Variants in UTP18 observed in about 807,000 individuals in gnomAD.
UTP18 encodes the protein UTP18 small subunit processome component, also known as U3 small nucleolar RNA-associated protein 18 homolog.
UTP18 carries 36 observed loss-of-function variants against 61.1 expected under a neutral mutation model. That is an observed-to-expected ratio of 0.59 (90% CI 0.45 to 0.78). The LOEUF is 0.78. Ranked by LOEUF, UTP18 falls within the 30% of genes least tolerant of loss-of-function variation. The pLI is 0.00. For synonymous variants in UTP18, 282 were observed against 251.1 expected (o/e 1.12, Z -1.16); for missense variants, 753 against 693.9 (o/e 1.09, Z -0.96).
intron 6 of UTP18, 114 bp from the exon 7 acceptor site, chr17:51,277,016 C>A: frequency 8.8e-7 from 1 of 1,139,494 alleles, no homozygotes; most frequent in Non-Finnish European, 1.2e-6. Context: ...TTAAGTCAGC[C>A]TTCAGCCCCT....
chr17:51,280,323 A>G (rs1175409842), intron 8 of UTP18, 66 bp from the exon 9 acceptor site: 3 of 1,549,180 alleles, frequency 1.9e-6, no homozygotes, highest in Middle Eastern at 1.8e-4. Context: ...GGTTGTTTTT[A>G]CTCTACATTG....
intron 12 of UTP18, among the ~76,000 whole-genome samples, chr17:51,295,945 A>G (rs1475380837): frequency 1.3e-5 from 2 of 152,206 alleles, no homozygotes; most frequent in Non-Finnish European, 2.9e-5. Context: ...TTATGTTTAG[A>G]TTAGCTTTTG....
At chr17:51,262,957 A>T (rs998310125) in intron 1 of UTP18, among the ~76,000 whole-genome samples, 1 of 152,188 alleles carries the variant, frequency 6.6e-6, no homozygotes, top group Admixed American at 6.5e-5. Flanking sequence ...TGTAGTTCTG[A>T]CATTTCTCCT....
At chr17:51,288,957 G>C (rs1441762821) in intron 11 of UTP18, among the ~76,000 whole-genome samples, 1 of 152,216 alleles carries the variant, frequency 6.6e-6, no homozygotes, top group Admixed American at 6.5e-5. Context: ...ACTCATTGCA[G>C]AAGGTTTTTA....
Position 51,285,378 on chromosome 17 carries a change from G to A in UTP18, c.1328+10G>A. ...AGTATGTTGCTTGTGGGTAAGTAAA[G>A]AGAGGTTCTTGTAACCTTAATCACA... On this transcript the variant is annotated intron_variant, in intron 10 of 13. Transcript: ENST00000225298. 2 of 1,611,060 alleles carry A rather than the reference G, an allele frequency of 1.2e-6. No homozygotes were observed. The highest frequency in any genetic ancestry group is 1.7e-6 in the Non-Finnish European group (2 of 1,177,722).
chr17:51,265,373 C>T (rs1294746408), intron 2 of UTP18, among the ~76,000 whole-genome samples: 1 of 151,484 alleles, frequency 6.6e-6, no homozygotes, highest in Non-Finnish European at 1.5e-5. Flanking sequence ...AAGTGATTCA[C>T]CTGCCTCAGC....
At chr17:51,295,289 A>T (rs1905338166) in intron 12 of UTP18, among the ~76,000 whole-genome samples, 1 of 152,030 alleles carries the variant, frequency 6.6e-6, no homozygotes, top group South Asian at 2.1e-4. Flanking sequence ...CTATGTCCTG[A>T]ATGGTATTGC....
chr17:51,268,369 A>G (rs1450856518), intron 3 of UTP18, among the ~76,000 whole-genome samples: 1 of 152,210 alleles, frequency 6.6e-6, no homozygotes, highest in Non-Finnish European at 1.5e-5. Flanking sequence ...CTTCTGTTAA[A>G]GCTTACTTTT....
intron 4 of UTP18, among the ~76,000 whole-genome samples, 190 bp downstream of exon 4, chr17:51,269,094 C>T (rs1001428189): frequency 6.6e-6 from 1 of 151,814 alleles, no homozygotes; most frequent in Non-Finnish European, 1.5e-5. Context: ...TAAGACCAGA[C>T]CGGGTGACAT....
At chr17:51,261,838 A>G (rs772196868) in intron 1 of UTP18, among the ~76,000 whole-genome samples, 8 of 152,066 alleles carry the variant, frequency 5.3e-5, no homozygotes, top group Non-Finnish European at 1.2e-4. Flanking sequence ...GCTGCTTACC[A>G]GAGCCGCCTT....
At chr17:51,277,725 A>G (rs1904779147) in intron 7 of UTP18, among the ~76,000 whole-genome samples, 1 of 152,224 alleles carries the variant, frequency 6.6e-6, no homozygotes, top group African/African-American at 2.4e-5. Flanking sequence ...TTTGATTTAT[A>G]TTTAAAGGGA....
At chr17:51,288,583 G>T (rs1336339981) in intron 11 of UTP18, 1 of 457,074 alleles carries the variant, frequency 2.2e-6, no homozygotes, top group Non-Finnish European at 4.4e-6. Flanking sequence ...CAATTCTCGG[G>T]TTTTGAAAGT....
chr17:51,288,096 A>G lies in UTP18; in HGVS notation c.1396A>G (p.Ile466Val), dbSNP rs1040095011. ...SCLQETNPKPIKAIMNLVTGV... is the reference protein window; with the variant it reads ...SCLQETNPKPVKAIMNLVTGV... Reference sequence around the variant, plus strand: ...TCTCCAAGAAACAAACCCAAAGCCAATAAAAGCTATAATGAACTTGGTTAC... The same window carrying G: ...TCTCCAAGAAACAAACCCAAAGCCAGTAAAAGCTATAATGAACTTGGTTAC... Residue 466 changes from isoleucine to valine, a missense_variant, in exon 11 of 14, where the codon ATA becomes GTA. Physicochemically the swap from Ile to Val is conservative, Grantham distance 29. Transcript: ENST00000225298. The G allele has an allele frequency of 1.9e-6, 3 of 1,610,806 alleles. No individual in the cohort carries two copies. The highest frequency in any genetic ancestry group is 2.2e-5 in the East Asian group (1 of 44,712).
rs780079011 is a variant in UTP18 at position 51,263,328 on chromosome 17, A to C, written c.397A>C (p.Asn133His). The C allele has an allele frequency of 6.2e-7, 1 of 1,614,230 alleles. No individual in the cohort carries two copies. The highest frequency in any genetic ancestry group is 2.2e-5 in the East Asian group (1 of 44,890). The change falls in exon 2 of 14, where the codon AAT (asparagine) becomes CAT (histidine). Residue 133 changes from asparagine to histidine, a missense_variant. Asn to His is a moderately conservative substitution (Grantham distance 68). Coordinates refer to ENST00000225298, the MANE Select transcript of UTP18 (RefSeq NM_016001.3). ...DSEVENEAKG[N>H]FPPQKKPVWV... ...AGAAGTGGAGAATGAAGCAAAAGGT[A>C]ATTTTCCACCTCAAAAGAAGCCAGT...
At chr17:51,278,380 ATATT>A (rs1284670815) in intron 7 of UTP18, among the ~76,000 whole-genome samples, 1 of 152,234 alleles carries the variant, frequency 6.6e-6, no homozygotes, top group African/African-American at 2.4e-5. Context: ...ATAGAAAACA[ATATT>A]TAGTAGTTAC....
Position 51,297,019 on chromosome 17 carries a change from T to C in UTP18, c.*14+16T>C. ...ACTATTTGAAGTAAGAAAACCCTTT[T>C]CTTACAAATTCTGCAGGTTTTAAGA... On this transcript the variant is annotated intron_variant, in intron 13 of 13. Coordinates refer to ENST00000225298, the MANE Select transcript of UTP18 (RefSeq NM_016001.3). 6.2e-7 allele frequency: 1 copy of C among 1,600,086 alleles called. No individual in the cohort carries two copies. Among genetic ancestry groups the C allele is most frequent in the South Asian group, 1.1e-5 (1 of 89,498 alleles).
chr17:51,275,559 A>T (rs1258518793), intron 5 of UTP18, among the ~76,000 whole-genome samples: 1 of 152,196 alleles, frequency 6.6e-6, no homozygotes. Context: ...TGGGGAAATG[A>T]CTACATACTA....
chr17:51,280,351 C>T, intron 8 of UTP18, 38 bp from the exon 9 acceptor site: 1 of 1,598,648 alleles, frequency 6.3e-7, no homozygotes, highest in Non-Finnish European at 8.6e-7. Flanking sequence ...CTTCTGTATA[C>T]TTTCTAACAG....
At chr17:51,281,978 C>T (rs1904944899) in intron 9 of UTP18, among the ~76,000 whole-genome samples, 1 of 152,200 alleles carries the variant, frequency 6.6e-6, no homozygotes, top group Non-Finnish European at 1.5e-5. Flanking sequence ...TATTGTCCTT[C>T]CTGACATTTC....
Sources: allele counts gnomAD v4.1 joint callset (sites outside exome capture counted in the v4.1 genomes callset), GRCh38; gene constraint gnomAD v4.1.1; transcripts MANE v1.5; gene names NCBI Gene and HGNC (gene_info 2026-07-23, HGNC 2026-07-21).